ADAMTS16: variants seen among roughly 807,000 people sequenced by gnomAD.
The protein encoded by ADAMTS16 is A disintegrin and metalloproteinase with thrombospondin motifs 16.
In ADAMTS16, 94 loss-of-function variants were observed where a neutral mutation model predicts 145.8. The ratio of observed to expected loss-of-function variants is 0.64; its 90% CI spans 0.55 to 0.77. ADAMTS16 has a LOEUF of 0.77. Among genes scored for constraint, ADAMTS16 ranks in the 30% least tolerant of loss-of-function variants. The pLI is 0.00. For synonymous variants in ADAMTS16, 659 were observed against 604.3 expected (o/e 1.09, Z -1.33); for missense variants, 1,585 against 1,591.5 (o/e 1.00, Z 0.07).
chr5:5,209,397 A>G, intron 10 of ADAMTS16, 151 bp downstream of exon 10: 5 of 920,776 alleles, frequency 5.4e-6, no homozygotes, highest in Non-Finnish European at 7.8e-6. Flanking sequence ...CGGGAAACAC[A>G]TGTTTCACTG....
rs546088503 is a variant in ADAMTS16, at chr5:5,275,390, G to A, written c.2789+12607G>A. On this transcript the variant is annotated intron_variant, in intron 18 of 22. Coordinates refer to ENST00000274181, the MANE Select transcript of ADAMTS16 (RefSeq NM_139056.4). ...TGGGAGTTTGTTATAAATATTTCCC[G>A]TGAGAATCAAGGAATGTGTTCTGAA... Among the ~76,000 whole-genome samples the A allele has an allele frequency of 1.3e-3, 192 of 151,938 alleles. 1 individual carries two copies. The highest frequency in any genetic ancestry group is 1.8e-3 in the Non-Finnish European group (122 of 67,992).
chr5:5,161,982 A>ACG (rs527278562), intron 3 of ADAMTS16, among the ~76,000 whole-genome samples: 239 of 152,266 alleles, frequency 1.6e-3, no homozygotes, highest in Non-Finnish European at 2.6e-3. Flanking sequence ...TGGGAGAAAA[A>ACG]CGTTTTCTCA....
At chr5:5,316,597 T>A (rs377677348) in intron 21 of ADAMTS16, among the ~76,000 whole-genome samples, 3 of 152,300 alleles carry the variant, frequency 2.0e-5, no homozygotes, top group East Asian at 1.9e-4. Flanking sequence ...TTATGCCAGC[T>A]CATGAAAGAT....
intron 3 of ADAMTS16, among the ~76,000 whole-genome samples, chr5:5,175,359 G>A (rs906703121): frequency 1.3e-5 from 2 of 152,154 alleles, no homozygotes; most frequent in African/African-American, 4.8e-5. Context: ...CTATCTTACT[G>A]GGGCAGAGCT....
intron 3 of ADAMTS16, among the ~76,000 whole-genome samples, chr5:5,170,540 G>A (rs1207361657): frequency 1.3e-5 from 2 of 151,476 alleles, no homozygotes; most frequent in Admixed American, 6.6e-5. Flanking sequence ...CATCATACCC[G>A]GCTAATTTTA....
intron 18 of ADAMTS16, among the ~76,000 whole-genome samples, chr5:5,280,491 C>T (rs6878143): frequency 0.12 from 17,771 of 152,118 alleles, 1,169 homozygotes; most frequent in Non-Finnish European, 0.15. Flanking sequence ...AACATGTGTG[C>T]CTAGTACTCT....
intron 3 of ADAMTS16, among the ~76,000 whole-genome samples, chr5:5,173,054 T>C (rs570046714): frequency 1.9e-4 from 29 of 152,284 alleles, no homozygotes; most frequent in Middle Eastern, 3.4e-3. Flanking sequence ...CCCTTTTTTT[T>C]CCCATCTGCA....
Position 5,305,232 on chromosome 5 carries a change from CCACA to C in ADAMTS16, c.3187-1263_3187-1260del, listed in dbSNP as rs1419723430. On this transcript the variant is annotated intron_variant, in intron 20 of 22. Transcript: ENST00000274181. ...CCACACCACACACACACATCCCACACCACACACACACAATCCCACACCACACACA... is the reference window on the plus strand; with the variant it reads ...CCACACCACACACACACATCCCACACCACACACAATCCCACACCACACACA... Among the ~76,000 whole-genome samples, 23 of 98,714 alleles carry C rather than the reference CCACA, an allele frequency of 2.3e-4. 1 individual carries two copies. Among genetic ancestry groups the C allele is most frequent in the African/African-American group, 8.8e-4 (22 of 24,992 alleles). The allele number at this position is 98,714 out of a possible 152,430, so 64.8% of individuals were successfully genotyped here.
chr5:5,155,629 C>T (rs1439306838), intron 3 of ADAMTS16, among the ~76,000 whole-genome samples: 1 of 152,144 alleles, frequency 6.6e-6, no homozygotes. Flanking sequence ...GGTGCTAGGA[C>T]TCTGAGGGAG....
chr5:5,231,460 T>C (rs1051260311), intron 11 of ADAMTS16, among the ~76,000 whole-genome samples: 9 of 151,682 alleles, frequency 5.9e-5, no homozygotes, highest in Admixed American at 5.2e-4. Flanking sequence ...AGTACAAATC[T>C]AGTGGCTCTA....
In ADAMTS16 at chr5:5,185,794, C is replaced by T. The variant is rs969047219; in HGVS notation, c.764-258C>T. ...AGGAGTTACAGCCAAAGAGTGCCCT[C>T]TCTTGCTGTTTTAAATTAGGATGAA... is the stretch of plus-strand genomic sequence containing the variant. On this transcript the variant is annotated intron_variant, in intron 4 of 22. Transcript: ENST00000274181. 5.9e-5 allele frequency among the ~76,000 whole-genome samples: 9 copies of T among 152,214 alleles called. 1 individual carries two copies. Among genetic ancestry groups the T allele is most frequent in the African/African-American group, 2.2e-4 (9 of 41,452 alleles).
chr5:5,316,666 A>C (rs905021323), intron 21 of ADAMTS16, among the ~76,000 whole-genome samples: 12 of 152,116 alleles, frequency 7.9e-5, no homozygotes, highest in African/African-American at 2.9e-4. Context: ...TGATACTCCA[A>C]GTATTGGGGG....
chr5:5,288,303 A>T (rs1230015262), intron 18 of ADAMTS16, among the ~76,000 whole-genome samples: 1 of 152,228 alleles, frequency 6.6e-6, no homozygotes, highest in South Asian at 2.1e-4. Flanking sequence ...ATTCATTTCA[A>T]AAGAAAGAAA....
intron 21 of ADAMTS16, 93 bp from the exon 22 acceptor site, chr5:5,318,038 TGCA>T: frequency 1.6e-6 from 2 of 1,257,350 alleles, no homozygotes; most frequent in Non-Finnish European, 2.0e-6. Context: ...CTCACTGGCC[TGCA>T]GCAGCAGGCC....
At chr5:5,290,031 A>T (rs1739247212) in intron 18 of ADAMTS16, among the ~76,000 whole-genome samples, 1 of 152,258 alleles carries the variant, frequency 6.6e-6, no homozygotes, top group African/African-American at 2.4e-5. Context: ...TCTCATTATT[A>T]GCATGCAAGT....
rs150737236 is a variant in ADAMTS16 at position 5,269,005 on chromosome 5, T to C, written c.2789+6222T>C. On this transcript the variant is annotated intron_variant, in intron 18 of 22. Coordinates refer to ENST00000274181, the MANE Select transcript of ADAMTS16 (RefSeq NM_139056.4). This position sits in a 1 kb window ranked among gnomAD's most constrained non-coding sequence, Gnocchi z 4.3. The stretch of plus-strand genomic sequence containing the variant: ...GTTAAGCCATGCCTGCTGGGTCTAG[T>C]TGGTGCAGCTCAGCCACATTCTGAG... Among the ~76,000 whole-genome samples the C allele has an allele frequency of 6.6e-6, 1 of 152,298 alleles. No individual in the cohort carries two copies. Among genetic ancestry groups the C allele is most frequent in the Non-Finnish European group, 1.5e-5 (1 of 68,012 alleles).
intron 21 of ADAMTS16, among the ~76,000 whole-genome samples, chr5:5,313,592 C>CAT (rs1393303458): frequency 6.6e-6 from 1 of 152,172 alleles, no homozygotes; most frequent in East Asian, 1.9e-4. Context: ...GGGGCTGGCT[C>CAT]ATTCTGGGAG....
intron 17 of ADAMTS16, among the ~76,000 whole-genome samples, chr5:5,250,260 C>T (rs1737581028): frequency 6.6e-6 from 1 of 152,140 alleles, no homozygotes; most frequent in African/African-American, 2.4e-5. Context: ...ATCAAATAGA[C>T]AACAGAAAAG....
intron 18 of ADAMTS16, among the ~76,000 whole-genome samples, chr5:5,283,906 C>T (rs73735788): frequency 0.01 from 1,523 of 152,148 alleles, 24 homozygotes; most frequent in African/African-American, 0.034. Context: ...GGTCTGGTGG[C>T]TTTAATAGTA....
Sources: gnomAD v4.1 joint callset for allele counts (sites outside exome capture counted in the v4.1 genomes callset) on GRCh38, gnomAD v4.1.1 for gene constraint, Gnocchi (gnomAD v3.1) non-coding constraint, MANE v1.5 for transcripts, NCBI Gene and HGNC (gene_info 2026-07-23, HGNC 2026-07-21) for gene names.